Variants in ADGRL3 observed in about 807,000 individuals in gnomAD.
ADGRL3 encodes adhesion G protein-coupled receptor L3, also known as calcium-independent alpha-latrotoxin receptor 3.
ADGRL3 carries 62 observed loss-of-function variants against 153.5 expected under a neutral mutation model. The ratio of observed to expected loss-of-function variants is 0.40; its 90% confidence interval spans 0.33 to 0.50. ADGRL3 has a LOEUF of 0.50. Among genes scored for constraint, ADGRL3 ranks in the 20% least tolerant of loss-of-function variants. ADGRL3 has a pLI of 0.47. For missense variants in ADGRL3, 1,641 were observed against 1,859.4 expected (o/e 0.88, Z 2.16); for synonymous variants, 710 against 672.5 (o/e 1.06, Z -0.86).
chr4:61,222,116 A>G (rs1745870872), intron 1 of ADGRL3, among the ~76,000 whole-genome samples: 1 of 152,046 alleles, frequency 6.6e-6, no homozygotes, highest in Non-Finnish European at 1.5e-5. Flanking sequence ...TTATATGCTC[A>G]TTCATGTTTG....
chr4:61,430,017 A>T (rs994281772), intron 2 of ADGRL3, among the ~76,000 whole-genome samples: 4 of 152,130 alleles, frequency 2.6e-5, no homozygotes, highest in African/African-American at 9.6e-5. Flanking sequence ...ACAGTTTTGG[A>T]CTATCCTAAC....
intron 2 of ADGRL3, among the ~76,000 whole-genome samples, chr4:61,391,445 C>T (rs1025960126): frequency 6.6e-6 from 1 of 152,194 alleles, no homozygotes; most frequent in Non-Finnish European, 1.5e-5. Context: ...GGCTACACCT[C>T]TGGCATTAGG....
chr4:61,485,646 A>G (rs2098182726), intron 2 of ADGRL3, among the ~76,000 whole-genome samples: 1 of 152,174 alleles, frequency 6.6e-6, no homozygotes, highest in Non-Finnish European at 1.5e-5. Flanking sequence ...GTGTTCAAAG[A>G]AAGTGTAAGT....
intron 1 of ADGRL3, among the ~76,000 whole-genome samples, chr4:61,218,668 A>G (rs1342537812): frequency 6.6e-6 from 1 of 152,094 alleles, no homozygotes; most frequent in Non-Finnish European, 1.5e-5. Flanking sequence ...ATTGTGATAA[A>G]GATTAAACAG....
At chr4:61,287,744 G>A (rs2093996801) in intron 1 of ADGRL3, among the ~76,000 whole-genome samples, 1 of 151,902 alleles carries the variant, frequency 6.6e-6, no homozygotes, top group African/African-American at 2.4e-5. Context: ...TCCATCTGGA[G>A]TGCCATGAAG....
At chr4:61,536,202 T>C (rs1002484863) in intron 4 of ADGRL3, among the ~76,000 whole-genome samples, 7 of 152,066 alleles carry the variant, frequency 4.6e-5, no homozygotes, top group Admixed American at 3.9e-4. Context: ...GAGAGTTCCC[T>C]GTGGAACTGG....
At chr4:62,018,300 A>G (rs2099222618) in intron 21 of ADGRL3, among the ~76,000 whole-genome samples, 1 of 152,156 alleles carries the variant, frequency 6.6e-6, no homozygotes, top group Non-Finnish European at 1.5e-5. Flanking sequence ...TAGAGTTTGC[A>G]GAGCAGTAGG....
intron 6 of ADGRL3, among the ~76,000 whole-genome samples, chr4:61,705,651 C>T (rs541800220): frequency 1.3e-5 from 2 of 152,044 alleles, no homozygotes; most frequent in African/African-American, 4.8e-5. Flanking sequence ...GCATGCACCA[C>T]CATGCCCAGC....
intron 9 of ADGRL3, among the ~76,000 whole-genome samples, chr4:61,835,517 T>TA (rs1007266299): frequency 4.0e-5 from 6 of 151,566 alleles, no homozygotes; most frequent in Non-Finnish European, 8.8e-5. Flanking sequence ...TAGTGCTCTT[T>TA]AAAAAAAATA....
chr4:61,225,677 A>C (rs543358413), intron 1 of ADGRL3, among the ~76,000 whole-genome samples: 3 of 152,214 alleles, frequency 2.0e-5, no homozygotes, highest in African/African-American at 7.2e-5. Flanking sequence ...TCAGTTGAAT[A>C]GGCATCTCTA....
chr4:61,471,846 G>T (rs918336661), intron 2 of ADGRL3, among the ~76,000 whole-genome samples: 1 of 151,852 alleles, frequency 6.6e-6, no homozygotes, highest in Non-Finnish European at 1.5e-5. Flanking sequence ...GTAAGATTTG[G>T]ATACCTCTTC....
chr4:61,225,371 TA>T (rs1197984494), intron 1 of ADGRL3, among the ~76,000 whole-genome samples: 2 of 152,294 alleles, frequency 1.3e-5, no homozygotes, highest in Admixed American at 1.3e-4. Context: ...CCAAATACTT[TA>T]GAAACATTCA....
chr4:61,793,320 A>C lies in ADGRL3; in HGVS notation c.1400-20489A>C, dbSNP rs575282384. On this transcript the variant is annotated intron_variant, in intron 8 of 26. Transcript: ENST00000683033. ...GCGCCTGTAGTCCCAGCTATTCAGGAGGCTGAGGCAGGAGAATGGTGTGAA... is the reference window on the plus strand; with the variant it reads ...GCGCCTGTAGTCCCAGCTATTCAGGCGGCTGAGGCAGGAGAATGGTGTGAA... 2.1e-3 allele frequency among the ~76,000 whole-genome samples: 320 copies of C among 152,256 alleles called. 1 individual carries two copies. The highest frequency in any genetic ancestry group is 3.9e-3 in the Non-Finnish European group (267 of 68,016).
chr4:61,215,477 A>G (rs1462295690), intron 1 of ADGRL3, among the ~76,000 whole-genome samples: 1 of 151,302 alleles, frequency 6.6e-6, no homozygotes, highest in Non-Finnish European at 1.5e-5. Context: ...TATTGTCAAG[A>G]GTTGAAGTAA....
At chr4:61,451,474 A>G (rs1185131857) in intron 2 of ADGRL3, among the ~76,000 whole-genome samples, 2 of 152,224 alleles carry the variant, frequency 1.3e-5, no homozygotes, top group Admixed American at 1.3e-4. Context: ...CAATGTTCAG[A>G]TTGATAAGTA....
At chr4:61,805,475 C>T (rs555377586) in intron 8 of ADGRL3, among the ~76,000 whole-genome samples, 1 of 152,256 alleles carries the variant, frequency 6.6e-6, no homozygotes, top group South Asian at 2.1e-4. Flanking sequence ...TATAGTTTTA[C>T]TCTTGTTGTT....
chr4:61,753,683 C>G (rs2096784729), intron 8 of ADGRL3, among the ~76,000 whole-genome samples: 1 of 152,128 alleles, frequency 6.6e-6, no homozygotes, highest in Non-Finnish European at 1.5e-5. Context: ...GGATTAGATT[C>G]TATGTTTGAA....
chr4:61,865,118 C>T (rs1021513334), intron 9 of ADGRL3, among the ~76,000 whole-genome samples: 5 of 152,028 alleles, frequency 3.3e-5, no homozygotes, highest in South Asian at 2.1e-4. Context: ...GCATAAACTA[C>T]GAAATAAAAT....
intron 2 of ADGRL3, among the ~76,000 whole-genome samples, chr4:61,437,840 C>T (rs2097470700): frequency 6.6e-6 from 1 of 152,042 alleles, no homozygotes; most frequent in Non-Finnish European, 1.5e-5. Flanking sequence ...TCTGCTCGTC[C>T]TCCTCCCTCC....
Sources: allele counts gnomAD v4.1 joint callset (sites outside exome capture counted in the v4.1 genomes callset), GRCh38; gene constraint gnomAD v4.1.1; transcripts MANE v1.5; gene names NCBI Gene and HGNC (gene_info 2026-07-23, HGNC 2026-07-21).